Variants in THADA observed in about 807,000 individuals in gnomAD.
THADA encodes the protein THADA armadillo repeat containing.
Under a neutral mutation model 219.8 loss-of-function variants are expected in THADA, and 213 were observed. The observed-to-expected ratio is 0.97, with a 90% confidence interval of 0.87 to 1.09. The LOEUF (loss-of-function observed/expected upper bound fraction) is 1.09, where lower values mean the gene tolerates loss of function less well. Ranked by LOEUF, THADA falls within the 50% of genes least tolerant of loss-of-function variation. The pLI is 0.00. For missense variants in THADA, 2,956 were observed against 2,311.3 expected (o/e 1.28, Z -5.72); for synonymous variants, 1,018 against 828.9 (o/e 1.23, Z -3.92).
rs750962697 is a variant in THADA at position 43,549,373 on chromosome 2, G to A, written c.2948-5C>T. 1 of 1,599,086 alleles carries A rather than the reference G, an allele frequency of 6.3e-7. No homozygotes were observed. The highest frequency in any genetic ancestry group is 8.5e-7 in the Non-Finnish European group (1 of 1,173,474). On this transcript the variant is annotated splice_region_variant and splice_polypyrimidine_tract_variant and intron_variant, in intron 19 of 37. Transcript: ENST00000405975. The stretch of plus-strand genomic sequence containing the variant: ...TCTGTAAGCGGCTTGCTGACTCTGA[G>A]GGAAAGAAATGAGCGTACATGAAAC...
chr2:43,356,437 T>C (rs1419186370), intron 29 of THADA, among the ~76,000 whole-genome samples: 1 of 152,114 alleles, frequency 6.6e-6, no homozygotes, highest in East Asian at 1.9e-4. Flanking sequence ...TGTATAAATA[T>C]GTCAACATAA....
chr2:43,538,432 T>C (rs1168040111), intron 21 of THADA: 1 of 152,230 alleles, frequency 6.6e-6, no homozygotes, highest in Non-Finnish European at 1.5e-5. Flanking sequence ...GACATGCCTC[T>C]GAATGAACAC....
intron 22 of THADA, among the ~76,000 whole-genome samples, chr2:43,515,366 A>T (rs866721576): frequency 5.6e-5 from 3 of 53,452 alleles, no homozygotes; most frequent in South Asian, 4.3e-4. Context: ...TATAATATAT[A>T]ATATATAATA....
intron 29 of THADA, among the ~76,000 whole-genome samples, chr2:43,367,117 G>T (rs1383809631): frequency 6.6e-6 from 1 of 152,160 alleles, no homozygotes; most frequent in Non-Finnish European, 1.5e-5. Flanking sequence ...CTTATATGAG[G>T]TACCAAAGTA....
In THADA at chr2:43,279,814, C is replaced by T. The variant is rs754671413; in HGVS notation, c.5247G>A (p.Thr1749=). The change falls in exon 36 of 38, where the codon ACG becomes ACA. Residue 1749 remains threonine (T), a synonymous_variant. Coordinates refer to ENST00000405975, the MANE Select transcript of THADA (RefSeq NM_022065.5). ...GTGACATGGCAGTTGTCACGGTTTC[C>T]GTGGCTGCATCTCTAACAGCTTGCT... ...SEEQAVRDAA[T]ETVTTAMSQE... is the part of the protein sequence containing the mutation. 9.0e-6 allele frequency: 14 copies of T among 1,556,942 alleles called. No homozygotes were observed. The highest frequency in any genetic ancestry group is 1.2e-5 in the Non-Finnish European group (14 of 1,149,952).
At position 43,485,119 on chromosome 2, in the gene THADA, T is replaced by C. The variant is rs187911122; in HGVS notation, c.3836+115A>G. Reference sequence around the variant, plus strand: ...AGGTTAATTCATTACAGTATTTTTATAGTTTTATGCTCTAGATGAATCTAT... The same window carrying C: ...AGGTTAATTCATTACAGTATTTTTACAGTTTTATGCTCTAGATGAATCTAT... On this transcript the variant is annotated intron_variant, in intron 26 of 37. Coordinates refer to ENST00000405975, the MANE Select transcript of THADA (RefSeq NM_022065.5). 95 of 721,850 alleles carry C rather than the reference T, an allele frequency of 1.3e-4. No homozygotes were observed. In the Admixed American group the frequency reaches 1.7e-3, roughly 13 times the overall value. 44.7% of individuals were successfully genotyped at this position (721,850 alleles called of 1,614,324 possible). A position where few individuals can be genotyped will look rare whatever the true frequency, so the allele number is the denominator to read the frequency against.
At chr2:43,541,717 C>T (rs939519760) in intron 20 of THADA, among the ~76,000 whole-genome samples, 10 of 152,180 alleles carry the variant, frequency 6.6e-5, no homozygotes, top group African/African-American at 2.4e-4. Flanking sequence ...ACCACATCAC[C>T]TCCTGGACTA....
chr2:43,326,853 A>G (rs1409233930), intron 30 of THADA, among the ~76,000 whole-genome samples: 1 of 152,248 alleles, frequency 6.6e-6, no homozygotes, highest in African/African-American at 2.4e-5. Flanking sequence ...ACCAAGCTCT[A>G]CCAGAATTCA....
chr2:43,236,042 C>G (rs1175449581), intron 36 of THADA, among the ~76,000 whole-genome samples: 1 of 152,076 alleles, frequency 6.6e-6, no homozygotes, highest in African/African-American at 2.4e-5. Flanking sequence ...ATCTCCTGAC[C>G]TTGTGATCCA....
intron 31 of THADA, among the ~76,000 whole-genome samples, chr2:43,304,082 T>C (rs1475887954): frequency 6.6e-6 from 1 of 152,180 alleles, no homozygotes; most frequent in Non-Finnish European, 1.5e-5. Flanking sequence ...TTGTACACCA[T>C]GGCCCTTCAT....
Position 43,541,123 on chromosome 2 carries a change from A to G in THADA, c.3264+36T>C, listed in dbSNP as rs199895331. 1,696 of 1,470,404 alleles carry G rather than the reference A, an allele frequency of 1.2e-3. 4 individuals carry two copies. Among genetic ancestry groups the G allele is most frequent in the Non-Finnish European group, 1.4e-3 (1,542 of 1,111,704 alleles). 91.1% of individuals were successfully genotyped at this position (1,470,404 alleles called of 1,614,324 possible). A position where few individuals can be genotyped will look rare whatever the true frequency, so the allele number is the denominator to read the frequency against. On this transcript the variant is annotated intron_variant, in intron 21 of 37. Coordinates refer to ENST00000405975, the MANE Select transcript of THADA (RefSeq NM_022065.5). ...AAAAAAAGTGATTTATGCGTTGACC[A>G]GAAATTATACATGGTGGAATAAACA...
At chr2:43,234,964 C>CA (rs1157134684) in intron 36 of THADA, among the ~76,000 whole-genome samples, 1 of 149,558 alleles carries the variant, frequency 6.7e-6, no homozygotes, top group Non-Finnish European at 1.5e-5. Flanking sequence ...TGAGCCGCTG[C>CA]ACCCAGTGGG....
At chr2:43,586,808 A>C (rs1282259339) in intron 5 of THADA, 46 bp downstream of exon 5, 1 of 1,612,054 alleles carries the variant, frequency 6.2e-7, no homozygotes, top group Non-Finnish European at 8.5e-7. Flanking sequence ...CTATGATGTG[A>C]TGAGAGGGGT....
intron 1 of THADA, among the ~76,000 whole-genome samples, chr2:43,593,446 C>T (rs1489928603): frequency 6.6e-6 from 1 of 152,124 alleles, no homozygotes; most frequent in African/African-American, 2.4e-5. Flanking sequence ...GGCGGCCATA[C>T]TCTAAGGAGC....
At chr2:43,504,588 T>C (rs1038902013) in intron 24 of THADA, among the ~76,000 whole-genome samples, 4 of 152,196 alleles carry the variant, frequency 2.6e-5, no homozygotes, top group Admixed American at 1.3e-4. Flanking sequence ...GGTAGGAGTG[T>C]CCTACTATAG....
intron 29 of THADA, among the ~76,000 whole-genome samples, chr2:43,346,610 C>A (rs865960268): frequency 8.5e-5 from 13 of 152,324 alleles, no homozygotes; most frequent in Middle Eastern, 6.8e-3. Flanking sequence ...TAACTGCCAA[C>A]ACACATGAGA....
In THADA at chr2:43,512,890, G is replaced by A. The variant is rs568296827; in HGVS notation, c.3375-4110C>T. ...AATATTCGTTGGATGTCTATTACAC[G>A]TCTGGTACGACACCAGGCTTTTCAC... On this transcript the variant is annotated intron_variant, in intron 22 of 37. Transcript: ENST00000405975. Among the ~76,000 whole-genome samples the A allele has an allele frequency of 4.3e-4, 65 of 152,330 alleles. 2 individuals carry two copies. The South Asian group carries it at 7.2e-3, about 17-fold the overall frequency.
chr2:43,538,768 G>A (rs1278311944), intron 21 of THADA, among the ~76,000 whole-genome samples: 2 of 152,038 alleles, frequency 1.3e-5, no homozygotes, highest in Non-Finnish European at 2.9e-5. Flanking sequence ...CAAGAGAGCT[G>A]GATAATATCA....
chr2:43,592,341 G>A lies in THADA; in HGVS notation c.52C>T (p.His18Tyr). The part of the protein sequence containing the change: ...EMQVAALTIC[H>Y]QDLETLKSFA... ...CATTTCAAAGTTTCAAGGTCCTGAT[G>A]GCAAATGGTCAGCGCAGCAACTTGC... Residue 18 changes from histidine (H) to tyrosine (Y), a missense_variant, in exon 2 of 38, where the codon CAT becomes TAT. Transcript: ENST00000405975. 6.2e-7 allele frequency: 1 copy of A among 1,608,164 alleles called. No individual in the cohort carries two copies. The highest frequency in any genetic ancestry group is 8.5e-7 in the Non-Finnish European group (1 of 1,177,334).
Sources: allele counts gnomAD v4.1 joint callset (sites outside exome capture counted in the v4.1 genomes callset), GRCh38; gene constraint gnomAD v4.1.1; transcripts MANE v1.5; gene names NCBI Gene and HGNC (gene_info 2026-07-23, HGNC 2026-07-21).